The following UQCC2 variants were observed in gnomAD, a reference collection of about 807,000 sequenced individuals.
UQCC2 encodes breast cancer-associated protein SGA-81M.
In UQCC2, 21 loss-of-function variants were observed where a neutral mutation model predicts 19.9. That is an observed-to-expected ratio of 1.05 (90% CI 0.75 to 1.52). The LOEUF (loss-of-function observed/expected upper bound fraction) is 1.52. UQCC2 is among the 40% of genes most tolerant of loss of function. The pLI, the probability that UQCC2 is intolerant of heterozygous loss-of-function variation, is 0.00. For synonymous variants in UQCC2, 57 were observed against 60.9 expected, an observed-to-expected ratio of 0.94 and a Z score of 0.30; for missense variants, 135 against 157.5, an observed-to-expected ratio of 0.86 and a Z score of 0.76.
intron 1 of UQCC2, among the ~76,000 whole-genome samples, chr6:33,701,848 G>A (rs575489496): frequency 2.0e-5 from 3 of 151,798 alleles, no homozygotes; most frequent in Non-Finnish European, 4.4e-5. Flanking sequence ...CATGATGGAA[G>A]TGAGACAATG....
chr6:33,702,122 T>G (rs1765647960), intron 1 of UQCC2, among the ~76,000 whole-genome samples: 1 of 152,142 alleles, frequency 6.6e-6, no homozygotes, highest in African/African-American at 2.4e-5. Flanking sequence ...TTCTCCAGCC[T>G]CAGCCTCCTG....
At chr6:33,703,967 C>CT (rs1314251248) in intron 1 of UQCC2, among the ~76,000 whole-genome samples, 2 of 152,168 alleles carry the variant, frequency 1.3e-5, no homozygotes, top group Admixed American at 6.5e-5. Flanking sequence ...GTTCCTCGGC[C>CT]TTTGTCTTTC....
In UQCC2 at chr6:33,701,422, T is replaced by A. The variant is rs760786153; in HGVS notation, c.139-2A>T. ...ATCACAGGCCTCAGGCTCTGCAACCTGAAAAGCAAAGAATCCCAAAGGAGG... is the reference window on the plus strand; with the variant it reads ...ATCACAGGCCTCAGGCTCTGCAACCAGAAAAGCAAAGAATCCCAAAGGAGG... On this transcript the variant is annotated splice_acceptor_variant, in intron 1 of 3. Coordinates refer to ENST00000607484, the MANE Select transcript of UQCC2 (RefSeq NM_032340.4). LOFTEE classifies it high-confidence loss of function. 1 of 1,612,780 alleles carries A rather than the reference T, an allele frequency of 6.2e-7. No homozygotes were observed. Among genetic ancestry groups the A allele is most frequent in the African/African-American group, 1.3e-5 (1 of 74,848 alleles).
In UQCC2 at chr6:33,697,193, C is replaced by T. The variant is rs888894401; in HGVS notation, c.*460G>A. ...TGAGGGCCAAGCAGGCTTTTTGCCT[C>T]TCTCGGCCTCACACCTCCCTACTGC... On this transcript the variant is annotated 3_prime_UTR_variant, in exon 4 of 4. Coordinates refer to ENST00000607484, the MANE Select transcript of UQCC2 (RefSeq NM_032340.4). 6.4e-6 allele frequency: 1 copy of T among 155,870 alleles called. No individual in the cohort carries two copies. 9.7% of individuals were successfully genotyped at this position (155,870 alleles called of 1,614,324 possible). A position where few individuals can be genotyped will look rare whatever the true frequency, so the allele number is the denominator to read the frequency against.
intron 1 of UQCC2, among the ~76,000 whole-genome samples, chr6:33,709,890 C>T (rs562498700): frequency 6.6e-6 from 1 of 152,346 alleles, no homozygotes; most frequent in South Asian, 2.1e-4. Flanking sequence ...GCCCGAGCCC[C>T]AGGCTCAAAT....
chr6:33,700,363 C>T lies in UQCC2; in HGVS notation c.283+81G>A, dbSNP rs1765624725. ...AAGACTTTCCATCAAGCAAAACTGT[C>T]TTCTTAGACAATTCCCCTTGGCCAC... On this transcript the variant is annotated intron_variant, in intron 3 of 3. Transcript: ENST00000607484. 3 of 1,502,620 alleles carry T rather than the reference C, an allele frequency of 2.0e-6. No homozygotes were observed. In the African/African-American group the frequency reaches 4.1e-5, roughly 21 times the overall value. 93.1% of individuals were successfully genotyped at this position (1,502,620 alleles called of 1,614,324 possible).
At chr6:33,704,342 G>C (rs1226681123) in intron 1 of UQCC2, among the ~76,000 whole-genome samples, 1 of 152,268 alleles carries the variant, frequency 6.6e-6, no homozygotes, top group Non-Finnish European at 1.5e-5. Context: ...GTACCGGCAA[G>C]GGAGTGGGGT....
Position 33,711,538 on chromosome 6 carries a change from C to A in UQCC2, c.138+11G>T. The A allele has an allele frequency of 1.9e-6, 3 of 1,591,958 alleles. No individual in the cohort carries two copies. The highest frequency in any genetic ancestry group is 2.3e-5 in the East Asian group (1 of 44,146). On this transcript the variant is annotated intron_variant, in intron 1 of 3. Transcript: ENST00000607484. ...TCCTCCCCTCGTCCCAGCCGCCTCCCCGCCGGTCACCTGGGTATTCTCTCC... is the reference window on the plus strand; with the variant it reads ...TCCTCCCCTCGTCCCAGCCGCCTCCACGCCGGTCACCTGGGTATTCTCTCC...
intron 1 of UQCC2, 49 bp downstream of exon 1, chr6:33,711,500 C>T (rs753060667): frequency 6.4e-7 from 1 of 1,553,092 alleles, no homozygotes; most frequent in Non-Finnish European, 8.7e-7. Flanking sequence ...GGCCCCGCCC[C>T]TGCCTCGTCC....
intron 3 of UQCC2, chr6:33,698,075 C>G: frequency 3.8e-6 from 1 of 261,514 alleles, no homozygotes; most frequent in African/African-American, 2.2e-5. Context: ...CTGCGCTGTC[C>G]GCTGTGCAAC....
chr6:33,709,415 G>GT (rs1289328621), intron 1 of UQCC2, among the ~76,000 whole-genome samples: 1 of 132,684 alleles, frequency 7.5e-6, no homozygotes, highest in South Asian at 3.7e-4. Flanking sequence ...TTTACTGAGT[G>GT]TTTTTTTATG....
At chr6:33,698,150 T>C (rs1177963247) in intron 3 of UQCC2, 2 of 172,392 alleles carry the variant, frequency 1.2e-5, no homozygotes, top group African/African-American at 2.4e-5. Flanking sequence ...TGTCCCCAGT[T>C]TTCAGGTGTG....
At chr6:33,699,318 G>A (rs952425514) in intron 3 of UQCC2, among the ~76,000 whole-genome samples, 17 of 152,304 alleles carry the variant, frequency 1.1e-4, no homozygotes, top group African/African-American at 3.9e-4. Context: ...GCTGCAGCGC[G>A]GACCAATGGC....
intron 1 of UQCC2, among the ~76,000 whole-genome samples, chr6:33,708,154 G>A (rs1765721648): frequency 6.6e-6 from 1 of 152,242 alleles, no homozygotes; most frequent in Admixed American, 6.5e-5. Flanking sequence ...AAGAATAGGT[G>A]GGTAAACACA....
chr6:33,711,627 C>T lies in UQCC2; in HGVS notation c.60G>A (p.Glu20=), dbSNP rs1765774201. Residue 20 remains glutamate, a synonymous_variant, in exon 1 of 4, where the codon GAG becomes GAA. Coordinates refer to ENST00000607484, the MANE Select transcript of UQCC2 (RefSeq NM_032340.4). Reference sequence around the variant, plus strand: ...CGCCCAAGTCCCGGCCCCGTTTGGTCTCGTCCACTGGCCATTCCTCACAGA... The same window carrying T: ...CGCCCAAGTCCCGGCCCCGTTTGGTTTCGTCCACTGGCCATTCCTCACAGA... ...LKLCEEWPVD[E]TKRGRDLGAY... 1 of 1,613,972 alleles carries T rather than the reference C, an allele frequency of 6.2e-7. No individual in the cohort carries two copies. Among genetic ancestry groups the T allele is most frequent in the Non-Finnish European group, 8.5e-7 (1 of 1,179,976 alleles).
intron 1 of UQCC2, among the ~76,000 whole-genome samples, chr6:33,707,088 A>G (rs1444883889): frequency 6.6e-6 from 1 of 152,234 alleles, no homozygotes; most frequent in Non-Finnish European, 1.5e-5. Context: ...TTATCCCTTC[A>G]GGTGGAGCAC....
chr6:33,701,375 G>A lies in UQCC2; in HGVS notation c.184C>T (p.Arg62Ter), dbSNP rs771765075. The change falls in exon 2 of 4, where the codon CGA (arginine) becomes TGA (stop). Residue 62 changes from arginine (R) to a stop codon, truncating the protein, a stop_gained. Coordinates refer to ENST00000607484, the MANE Select transcript of UQCC2 (RefSeq NM_032340.4). LOFTEE classifies it high-confidence loss of function. ...TGTTTGTAGTAGTTTGAATGGAGTC[G>A]CGCTAAGCTCTCGTACATCTGATCA... ...ACDQMYESLARLHSNYYKHKY... is the reference protein window; with the variant it reads ...ACDQMYESLA 9.9e-6 allele frequency: 16 copies of A among 1,613,668 alleles called. No homozygotes were observed. The highest frequency in any genetic ancestry group is 4.4e-5 in the South Asian group (4 of 90,968).
chr6:33,709,459 G>A (rs1269966355), intron 1 of UQCC2, among the ~76,000 whole-genome samples: 1 of 122,856 alleles, frequency 8.1e-6, no homozygotes, highest in Non-Finnish European at 1.8e-5. Context: ...GTAGGGGAGA[G>A]AGGGAAAGAT....
intron 1 of UQCC2, among the ~76,000 whole-genome samples, chr6:33,711,080 G>T (rs577281439): frequency 1.3e-5 from 2 of 152,232 alleles, no homozygotes; most frequent in African/African-American, 4.8e-5. Flanking sequence ...GCTGCCACTG[G>T]TGGTGTGGGT....
Sources: gnomAD v4.1 joint callset for allele counts (sites outside exome capture counted in the v4.1 genomes callset) on GRCh38, gnomAD v4.1.1 for gene constraint, MANE v1.5 for transcripts, NCBI Gene and HGNC (gene_info 2026-07-23, HGNC 2026-07-21) for gene names.